Variants in ZMIZ1 observed in about 807,000 individuals in gnomAD.
ZMIZ1 encodes the protein zinc finger MIZ-type containing 1, also known as zinc finger MIZ domain-containing protein 1.
A neutral mutation model predicts 113.9 loss-of-function variants in ZMIZ1; 17 were observed. That is an observed-to-expected ratio of 0.15 (90% CI 0.10 to 0.22). The LOEUF (loss-of-function observed/expected upper bound fraction) is 0.22, where lower values mean the gene tolerates loss of function less well. Among genes scored for constraint, ZMIZ1 ranks in the 10% least tolerant of loss-of-function variants. The pLI is 1.00. For synonymous variants in ZMIZ1, 607 were observed against 603.1 expected, an observed-to-expected ratio of 1.01 and a Z score of -0.09; for missense variants, 1,059 against 1,477.8, an observed-to-expected ratio of 0.72 and a Z score of 4.65.
At chr10:79,195,482 C>T (rs753276147) in intron 4 of ZMIZ1, among the ~76,000 whole-genome samples, 25 of 152,222 alleles carry the variant, frequency 1.6e-4, no homozygotes, top group Non-Finnish European at 3.1e-4. Flanking sequence ...ATCTGTTGGG[C>T]GGGAGCCCGG....
At chr10:79,298,698 G>A (rs1312027346) in intron 15 of ZMIZ1, 118 bp downstream of exon 15, 3 of 958,624 alleles carry the variant, frequency 3.1e-6, no homozygotes, top group Non-Finnish European at 1.5e-6. Flanking sequence ...AGAGAGTTGA[G>A]AGCAGGTGAG....
rs536153801 is a variant in ZMIZ1, at chr10:79,301,685, G to A, written c.2020-422G>A. On this transcript the variant is annotated intron_variant, in intron 17 of 24. Transcript: ENST00000334512. ...CTGGCTGGGGAATGTGATGTGCTGT[G>A]TGAGGCTGCACAACTGTCAGAGTGA... Among the ~76,000 whole-genome samples, 5 of 152,294 alleles carry A rather than the reference G, an allele frequency of 3.3e-5. No homozygotes were observed. In the South Asian group the frequency reaches 1.0e-3, roughly 32 times the overall value.
intron 8 of ZMIZ1, among the ~76,000 whole-genome samples, chr10:79,279,190 G>A (rs550043895): frequency 7.3e-4 from 111 of 151,886 alleles, no homozygotes; most frequent in African/African-American, 2.5e-3. Flanking sequence ...AGGGGGAGGG[G>A]CTCCTCACTT....
intron 10 of ZMIZ1, 31 bp downstream of exon 10, chr10:79,291,207 TG>T: frequency 6.4e-7 from 1 of 1,568,392 alleles, no homozygotes; most frequent in Non-Finnish European, 8.7e-7. Flanking sequence ...GCAGAAGCCA[TG>T]GACGCCACCC....
chr10:79,188,311 A>G (rs1467102104), intron 4 of ZMIZ1, among the ~76,000 whole-genome samples: 1 of 152,092 alleles, frequency 6.6e-6, no homozygotes, highest in African/African-American at 2.4e-5. Flanking sequence ...GGGGAGGGTC[A>G]TCTCCGCCTC....
chr10:79,235,482 C>T (rs1849551929), intron 7 of ZMIZ1, among the ~76,000 whole-genome samples: 1 of 152,202 alleles, frequency 6.6e-6, no homozygotes, highest in South Asian at 2.1e-4. Flanking sequence ...GCCATAAGCC[C>T]ACCAGTACAG....
At chr10:79,155,483 T>A (rs729623) in intron 3 of ZMIZ1, among the ~76,000 whole-genome samples, 1,769 of 152,338 alleles carry the variant, frequency 0.012, 42 homozygotes, top group African/African-American at 0.04. Context: ...TGGTCTCAGT[T>A]TGTCTCTGTT....
chr10:79,117,865 A>G (rs1320431326), intron 1 of ZMIZ1, among the ~76,000 whole-genome samples: 1 of 152,204 alleles, frequency 6.6e-6, no homozygotes, highest in Admixed American at 6.5e-5. Flanking sequence ...GGGGAAGTAG[A>G]GCCATGAGGC....
At chr10:79,195,499 C>T (rs1177282235) in intron 4 of ZMIZ1, among the ~76,000 whole-genome samples, 3 of 152,304 alleles carry the variant, frequency 2.0e-5, no homozygotes, top group Admixed American at 6.5e-5. Flanking sequence ...CCGGCCTCTC[C>T]GGCTATAGAG....
chr10:79,244,515 C>G lies in ZMIZ1; in HGVS notation c.280+28241C>G, dbSNP rs147657333. 6.4e-3 allele frequency among the ~76,000 whole-genome samples: 976 copies of G among 152,316 alleles called. 10 individuals are homozygous for G. The highest frequency in any genetic ancestry group is 0.022 in the African/African-American group (932 of 41,560). On this transcript the variant is annotated intron_variant, in intron 7 of 24. Transcript: ENST00000334512. ...GGTCGAGAAGCCCTCTGGGGGGAAA[C>G]TAGGAGAGGTCAGCTGGCACTTCTT... is the stretch of plus-strand genomic sequence containing the variant.
In ZMIZ1 at chr10:79,314,059, C is replaced by T; in HGVS notation, c.*1310C>T. 2.2e-6 allele frequency: 1 copy of T among 456,930 alleles called. No individual in the cohort carries two copies. The highest frequency in any genetic ancestry group is 4.4e-6 in the Non-Finnish European group (1 of 226,992). The allele number at this position is 456,930 out of a possible 1,614,324, so 28.3% of individuals were successfully genotyped here. A position where few individuals can be genotyped will look rare whatever the true frequency, so the allele number is the denominator to read the frequency against. ...TGCCCCAGACACTGCCCTTGGCTGCCAGCCTACCCTGCCTGCACTCCTCCA... is the reference window on the plus strand; with the variant it reads ...TGCCCCAGACACTGCCCTTGGCTGCTAGCCTACCCTGCCTGCACTCCTCCA... On this transcript the variant is annotated 3_prime_UTR_variant, in exon 25 of 25. Transcript: ENST00000334512.
intron 8 of ZMIZ1, chr10:79,285,571 G>C (rs751293528): frequency 2.2e-6 from 1 of 455,960 alleles, no homozygotes; most frequent in Non-Finnish European, 4.4e-6. Context: ...GTAGGTGGTC[G>C]GTCATCAGGC....
In ZMIZ1 at chr10:79,297,742, T is replaced by C. The variant is rs746508340; in HGVS notation, c.1491+52T>C. 3 of 1,532,310 alleles carry C rather than the reference T, an allele frequency of 2.0e-6. No homozygotes were observed. In the South Asian group the frequency reaches 3.4e-5, roughly 17 times the overall value. 94.9% of individuals were successfully genotyped at this position (1,532,310 alleles called of 1,614,324 possible). A position where few individuals can be genotyped will look rare whatever the true frequency, so the allele number is the denominator to read the frequency against. ...CTAAGCCACAGGGAGTTGTTGCCTC[T>C]AAAGGTTCTCACTGTTCCTGCTCCA... On this transcript the variant is annotated intron_variant, in intron 14 of 24. Transcript: ENST00000334512.
chr10:79,071,413 A>G (rs1285658692), intron 1 of ZMIZ1, among the ~76,000 whole-genome samples: 1 of 152,182 alleles, frequency 6.6e-6, no homozygotes, highest in Admixed American at 6.5e-5. Flanking sequence ...AGGTACAGAT[A>G]AAGAGGCAGG....
intron 7 of ZMIZ1, among the ~76,000 whole-genome samples, chr10:79,237,542 C>T (rs1849643150): frequency 1.3e-5 from 2 of 152,174 alleles, no homozygotes; most frequent in South Asian, 2.1e-4. Context: ...GTTCTCTCCT[C>T]GCTTCTGGTA....
At position 79,126,087 on chromosome 10, in the gene ZMIZ1, G is replaced by A. The variant is rs533168829; in HGVS notation, c.-227+7063G>A. ...CCCGCAGACCTGGCTCCGTGGAGCCGCATTTGTGTTCTGCCTCCTGCTGTG... is the reference window on the plus strand; with the variant it reads ...CCCGCAGACCTGGCTCCGTGGAGCCACATTTGTGTTCTGCCTCCTGCTGTG... On this transcript the variant is annotated intron_variant, in intron 2 of 24. Coordinates refer to ENST00000334512, the MANE Select transcript of ZMIZ1 (RefSeq NM_020338.4). Among the ~76,000 whole-genome samples, 5 of 152,296 alleles carry A rather than the reference G, an allele frequency of 3.3e-5. No individual in the cohort carries two copies. In the East Asian group the frequency reaches 5.8e-4, roughly 18 times the overall value.
intron 7 of ZMIZ1, among the ~76,000 whole-genome samples, chr10:79,256,721 T>A (rs1386950366): frequency 6.6e-6 from 1 of 152,172 alleles, no homozygotes; most frequent in Non-Finnish European, 1.5e-5. Flanking sequence ...GTGATTTCTC[T>A]CCAGGGTCAG....
chr10:79,293,006 G>T, intron 11 of ZMIZ1: 1 of 447,276 alleles, frequency 2.2e-6, no homozygotes, highest in South Asian at 1.9e-5. Flanking sequence ...AGTCTCACTC[G>T]GGCTCCTGCC....
At chr10:79,235,539 C>G (rs1213437214) in intron 7 of ZMIZ1, among the ~76,000 whole-genome samples, 1 of 152,212 alleles carries the variant, frequency 6.6e-6, no homozygotes, top group African/African-American at 2.4e-5. Context: ...CCTCAGGTGA[C>G]AGGCTGCTCC....
Sources: gnomAD v4.1 joint callset for allele counts (sites outside exome capture counted in the v4.1 genomes callset) on GRCh38, gnomAD v4.1.1 for gene constraint, MANE v1.5 for transcripts, NCBI Gene and HGNC (gene_info 2026-07-23, HGNC 2026-07-21) for gene names.